The following RPGRIP1L variants were observed in gnomAD, a reference collection of about 807,000 sequenced individuals.
The protein encoded by RPGRIP1L is protein fantom.
Under a neutral mutation model 160.4 loss-of-function variants are expected in RPGRIP1L, and 131 were observed. The ratio of observed to expected loss-of-function variants is 0.82; its 90% confidence interval spans 0.71 to 0.94. The LOEUF (loss-of-function observed/expected upper bound fraction) is 0.94, where lower values mean the gene tolerates loss of function less well. Among genes scored for constraint, RPGRIP1L ranks in the 40% least tolerant of loss-of-function variants. RPGRIP1L has a pLI of 0.00. For missense variants in RPGRIP1L, 1,522 were observed against 1,535.8 expected (o/e 0.99, Z 0.15); for synonymous variants, 510 against 515.8 (o/e 0.99, Z 0.15).
At chr16:53,624,850 C>T (rs1056989224) in intron 22 of RPGRIP1L, among the ~76,000 whole-genome samples, 11 of 150,192 alleles carry the variant, frequency 7.3e-5, no homozygotes, top group African/African-American at 2.4e-4. Flanking sequence ...GATCTCGGCT[C>T]GCTGCAACCT....
chr16:53,655,482 C>G (rs562366853), intron 14 of RPGRIP1L: 1 of 152,134 alleles, frequency 6.6e-6, no homozygotes, highest in Admixed American at 6.5e-5. Flanking sequence ...ACGTAGTGGA[C>G]GTGGACGTGA....
rs192665051 is a variant in RPGRIP1L, at chr16:53,668,998, C to G, written c.1103+2512G>C. On this transcript the variant is annotated intron_variant, in intron 9 of 26. Coordinates refer to ENST00000647211, the MANE Select transcript of RPGRIP1L (RefSeq NM_015272.5). Reference sequence around the variant, plus strand: ...AAAGATGAGAATGCAAACTGCAAATCATATTTTTCTCCTGAAAACTAGTCA... The same window carrying G: ...AAAGATGAGAATGCAAACTGCAAATGATATTTTTCTCCTGAAAACTAGTCA... Among the ~76,000 whole-genome samples, 157 of 152,252 alleles carry G rather than the reference C, an allele frequency of 1.0e-3. 1 individual carries two copies. The highest frequency in any genetic ancestry group is 3.6e-3 in the African/African-American group (151 of 41,572).
At chr16:53,699,087 AC>A (rs1160962270) in intron 2 of RPGRIP1L, among the ~76,000 whole-genome samples, 6 of 151,970 alleles carry the variant, frequency 3.9e-5, no homozygotes, top group Non-Finnish European at 7.4e-5. Flanking sequence ...CTGTGACCTT[AC>A]CCCGCAACCC....
At chr16:53,615,470 A>ATTTTTTTTTT (rs1436816285) in intron 24 of RPGRIP1L, among the ~76,000 whole-genome samples, 7 of 85,270 alleles carry the variant, frequency 8.2e-5, no homozygotes, top group African/African-American at 3.5e-4. Context: ...ATATATATAT[A>ATTTTTTTTTT]TATTTTTTTT....
chr16:53,656,345 A>T, intron 14 of RPGRIP1L, 127 bp downstream of exon 14: 1 of 788,660 alleles, frequency 1.3e-6, no homozygotes, highest in Non-Finnish European at 2.3e-6. Flanking sequence ...TGCATTCATG[A>T]GCTAGCTATG....
At position 53,605,042 on chromosome 16, in the gene RPGRIP1L, A is replaced by T. The variant is rs1468839; in HGVS notation, c.3835+439T>A. Among the ~76,000 whole-genome samples the T allele has an allele frequency of 2.6e-5, 4 of 152,140 alleles. No homozygotes were observed. In the East Asian group the frequency reaches 7.8e-4, roughly 30 times the overall value. On this transcript the variant is annotated intron_variant, in intron 26 of 26. Transcript: ENST00000647211. Reference sequence around the variant, plus strand: ...AAAATACCAAAAAAATTAGCCGGGCATGGTGATGCACGCCTGTAGTCCCAG... The same window carrying T: ...AAAATACCAAAAAAATTAGCCGGGCTTGGTGATGCACGCCTGTAGTCCCAG...
At chr16:53,604,622 G>T (rs1381979441) in intron 26 of RPGRIP1L, among the ~76,000 whole-genome samples, 1 of 152,206 alleles carries the variant, frequency 6.6e-6, no homozygotes, top group Admixed American at 6.5e-5. Context: ...CAGCACATTT[G>T]TCAGGAACAG....
chr16:53,613,309 C>CT lies in RPGRIP1L; in HGVS notation c.3617-2259dup, dbSNP rs200080337. 6.4e-4 allele frequency among the ~76,000 whole-genome samples: 94 copies of CT among 146,518 alleles called. 1 individual carries two copies. The South Asian group carries it at 6.9e-3, about 11-fold the overall frequency. The stretch of plus-strand genomic sequence containing the variant: ...ACCATACGGGTCATTCTAAATTTAC[C>CT]TTTTTTTTTTTTCTTAGAGATGGGG... On this transcript the variant is annotated intron_variant, in intron 24 of 26. Transcript: ENST00000647211.
chr16:53,643,178 G>A (rs1966342804), intron 17 of RPGRIP1L, among the ~76,000 whole-genome samples: 4 of 151,920 alleles, frequency 2.6e-5, no homozygotes, highest in Admixed American at 2.6e-4. Context: ...TGTGGTGGCG[G>A]GTGCCTGTAA....
At chr16:53,608,909 G>T (rs1254570785) in intron 25 of RPGRIP1L, among the ~76,000 whole-genome samples, 1 of 152,156 alleles carries the variant, frequency 6.6e-6, no homozygotes, top group Non-Finnish European at 1.5e-5. Context: ...CCACTCCCAT[G>T]GTTGTTCGAG....
chr16:53,692,811 A>C (rs989805055), intron 3 of RPGRIP1L, among the ~76,000 whole-genome samples: 10 of 152,238 alleles, frequency 6.6e-5, no homozygotes, highest in African/African-American at 1.4e-4. Flanking sequence ...CAGTTTCTCC[A>C]GGATTAAGAC....
chr16:53,646,058 G>C, intron 16 of RPGRIP1L, 55 bp from the exon 17 acceptor site: 1 of 1,519,824 alleles, frequency 6.6e-7, no homozygotes, highest in South Asian at 1.1e-5. Flanking sequence ...AAGATGAACA[G>C]CAGCTGCCAA....
At chr16:53,688,054 A>C in intron 4 of RPGRIP1L, 89 bp from the exon 5 acceptor site, 1 of 831,460 alleles carries the variant, frequency 1.2e-6, no homozygotes, top group African/African-American at 1.7e-5. Flanking sequence ...TTTATAATAA[A>C]ATCTCTTAAG....
rs4290466 is a variant in RPGRIP1L at position 53,658,122 on chromosome 16, C to T, written c.1401+292G>A. Reference sequence around the variant, plus strand: ...AATAGTGAAGCAGATAAAAGTAAAACGTTTGTTATAATTAAAGAAAGTGCT... The same window carrying T: ...AATAGTGAAGCAGATAAAAGTAAAATGTTTGTTATAATTAAAGAAAGTGCT... On this transcript the variant is annotated intron_variant, in intron 12 of 26. Transcript: ENST00000647211. Among the ~76,000 whole-genome samples, 125,791 of 152,062 alleles carry T rather than the reference C, an allele frequency of 0.83. 52,130 individuals are homozygous for T. The highest frequency in any genetic ancestry group is 0.86 in the East Asian group (4,433 of 5,182).
rs1273469166 is a variant in RPGRIP1L, at chr16:53,683,533, T to C, written c.776+2900A>G. Among the ~76,000 whole-genome samples, 7 of 152,054 alleles carry C rather than the reference T, an allele frequency of 4.6e-5. No individual in the cohort carries two copies. In the South Asian group the frequency reaches 1.2e-3, roughly 27 times the overall value. The stretch of plus-strand genomic sequence containing the variant: ...ACAGAAATAGAGGTTGAAGTATTTA[T>C]CAGTGAGGTGACATGATATCTGGCT... On this transcript the variant is annotated intron_variant, in intron 6 of 26. Coordinates refer to ENST00000647211, the MANE Select transcript of RPGRIP1L (RefSeq NM_015272.5).
At chr16:53,649,376 C>A (rs564756937) in intron 15 of RPGRIP1L, among the ~76,000 whole-genome samples, 2 of 152,292 alleles carry the variant, frequency 1.3e-5, no homozygotes, top group South Asian at 4.1e-4. Context: ...TGTACTATTT[C>A]ATTCCTTCTG....
intron 14 of RPGRIP1L, among the ~76,000 whole-genome samples, chr16:53,655,766 C>T (rs9925121): frequency 2.0e-5 from 3 of 152,048 alleles, no homozygotes; most frequent in African/African-American, 4.8e-5. Context: ...ACATTTTAAA[C>T]GAGTTCCTCA....
chr16:53,683,188 T>C (rs949588676), intron 6 of RPGRIP1L, among the ~76,000 whole-genome samples: 3 of 152,016 alleles, frequency 2.0e-5, no homozygotes, highest in Non-Finnish European at 4.4e-5. Context: ...GAATCTGAAA[T>C]GAAAAGCCAG....
At chr16:53,696,869 T>C (rs1598421918) in intron 2 of RPGRIP1L, among the ~76,000 whole-genome samples, 1 of 152,278 alleles carries the variant, frequency 6.6e-6, no homozygotes, top group East Asian at 1.9e-4. Flanking sequence ...TTAGCATGTG[T>C]TTATGATTTC....
Sources: allele counts gnomAD v4.1 joint callset (sites outside exome capture counted in the v4.1 genomes callset), GRCh38; gene constraint gnomAD v4.1.1; transcripts MANE v1.5; gene names NCBI Gene and HGNC (gene_info 2026-07-23, HGNC 2026-07-21).